ATP5MG: variants seen among roughly 807,000 people sequenced by gnomAD.
ATP5MG encodes the protein ATP synthase membrane subunit g.
In ATP5MG, 7 loss-of-function variants were observed where a neutral mutation model predicts 12.7. The ratio of observed to expected loss-of-function variants is 0.55; its 90% CI spans 0.31 to 1.04. The LOEUF (loss-of-function observed/expected upper bound fraction) is 1.04, where lower values mean the gene tolerates loss of function less well. ATP5MG is among the 50% of genes least tolerant of loss of function. The pLI is 0.05. For missense variants in ATP5MG, 116 were observed against 126.7 expected (o/e 0.92, Z 0.41); for synonymous variants, 53 against 48.2 (o/e 1.10, Z -0.41).
chr11:118,401,901 C>T lies in ATP5MG; in HGVS notation c.52+184C>T, dbSNP rs907356232. Reference sequence around the variant, plus strand: ...TTTTCTAGCCTTCCACTCGTCTGACCTGCAGATTGGGTTCTCTACACAACC... The same window carrying T: ...TTTTCTAGCCTTCCACTCGTCTGACTTGCAGATTGGGTTCTCTACACAACC... On this transcript the variant is annotated intron_variant, in intron 1 of 2. Transcript: ENST00000300688. 3 of 654,218 alleles carry T rather than the reference C, an allele frequency of 4.6e-6. No individual in the cohort carries two copies. The Admixed American group carries it at 9.0e-5, about 20-fold the overall frequency. 40.5% of individuals were successfully genotyped at this position (654,218 alleles called of 1,614,324 possible).
chr11:118,407,270 G>T, intron 2 of ATP5MG, 173 bp downstream of exon 2: 2 of 996,678 alleles, frequency 2.0e-6, no homozygotes, highest in Non-Finnish European at 1.4e-6. Flanking sequence ...TTGTCACCTG[G>T]GTAGAAATAA....
intron 2 of ATP5MG, among the ~76,000 whole-genome samples, chr11:118,408,393 A>T (rs1393798173): frequency 1.3e-5 from 2 of 152,204 alleles, no homozygotes; most frequent in East Asian, 3.8e-4. Context: ...TTATTTTTTC[A>T]ACTAGAATTT....
Position 118,409,038 on chromosome 11 carries a change from G to A in ATP5MG, c.252G>A (p.Leu84=), listed in dbSNP as rs1555132601. The change falls in exon 3 of 3, where the codon TTG becomes TTA. Residue 84 remains leucine, a synonymous_variant. Coordinates refer to ENST00000300688, the MANE Select transcript of ATP5MG (RefSeq NM_006476.5). ...VLNGLVATEV[L]MWFYVGEIIG... ...ATGGTTTGGTGGCCACTGAGGTGTT[G>A]ATGTGGTTTTATGTCGGAGAGATTA... is the stretch of plus-strand genomic sequence containing the variant. The A allele has an allele frequency of 3.1e-6, 5 of 1,607,462 alleles. No homozygotes were observed. Among genetic ancestry groups the A allele is most frequent in the Non-Finnish European group, 4.2e-6 (5 of 1,176,834 alleles).
chr11:118,402,037 A>C (rs1171638730), intron 1 of ATP5MG: 2 of 360,370 alleles, frequency 5.5e-6, no homozygotes, highest in Non-Finnish European at 1.0e-5. Context: ...AAGAGCAGGG[A>C]TCTAGAGGGG....
rs138625738 is a variant in ATP5MG, at chr11:118,401,670, C to T, written c.5C>T (p.Ala2Val). M[A>V]QFVRNLVEKT... ...CGGACTCTCCATTCCAGAACCATGG[C>T]CCAATTTGTCCGTAACCTTGTGGAG... Residue 2 changes from alanine to valine, a missense_variant, in exon 1 of 3, where the codon GCC becomes GTC. Coordinates refer to ENST00000300688, the MANE Select transcript of ATP5MG (RefSeq NM_006476.5). 5.6e-6 allele frequency: 9 copies of T among 1,614,006 alleles called. No individual in the cohort carries two copies. In the African/African-American group the frequency reaches 1.2e-4, roughly 22 times the overall value.
chr11:118,406,034 T>G (rs1247917234), intron 1 of ATP5MG: 1 of 152,210 alleles, frequency 6.6e-6, no homozygotes. Flanking sequence ...AGCTAATTTT[T>G]GTAGTTTTAG....
intron 1 of ATP5MG, among the ~76,000 whole-genome samples, chr11:118,402,399 C>A (rs574843551): frequency 7.4e-4 from 113 of 152,218 alleles, no homozygotes; most frequent in African/African-American, 2.6e-3. Context: ...CGCTGTATTT[C>A]ACAACAACCC....
Position 118,406,922 on chromosome 11 carries a change from TG to T in ATP5MG, c.53-14del. ...TTCATCCTGGTTTTTTGTTTTGTTTTGTTTTGTTTTCCAGCTGCTGTGACTT... is the reference window on the plus strand; with the variant it reads ...TTCATCCTGGTTTTTTGTTTTGTTTTTTTTGTTTTCCAGCTGCTGTGACTT... On this transcript the variant is annotated splice_polypyrimidine_tract_variant and intron_variant, in intron 1 of 2. Transcript: ENST00000300688. 1.3e-6 allele frequency: 2 copies of T among 1,579,644 alleles called. No individual in the cohort carries two copies. The highest frequency in any genetic ancestry group is 2.7e-5 in the African/African-American group (2 of 73,816).
rs782691825 is a variant in ATP5MG, at chr11:118,401,650, T to A, written c.-16T>A. 1.9e-6 allele frequency: 3 copies of A among 1,614,066 alleles called. No individual in the cohort carries two copies. Among genetic ancestry groups the A allele is most frequent in the Non-Finnish European group, 2.5e-6 (3 of 1,179,988 alleles). On this transcript the variant is annotated 5_prime_UTR_variant, in exon 1 of 3. Coordinates refer to ENST00000300688, the MANE Select transcript of ATP5MG (RefSeq NM_006476.5). ...CAGCCGGCGGTTCGGGGCGACGGACTCTCCATTCCAGAACCATGGCCCAAT... is the reference window on the plus strand; with the variant it reads ...CAGCCGGCGGTTCGGGGCGACGGACACTCCATTCCAGAACCATGGCCCAAT...
chr11:118,407,567 G>A (rs1248374888), intron 2 of ATP5MG: 1 of 161,430 alleles, frequency 6.2e-6, no homozygotes, highest in Non-Finnish European at 1.4e-5. Context: ...TCTAAAAACT[G>A]TAAGAATTAG....
Position 118,409,077 on chromosome 11 carries a change from C to G in ATP5MG, c.291C>G (p.Gly97=). ...FYVGEIIGKR[G]IIGYDV is the part of the protein sequence containing the mutation. ...TCGGAGAGATTATAGGCAAGCGGGG[C>G]ATCATTGGCTATGATGTTTGAAGAC... The change falls in exon 3 of 3, where the codon GGC becomes GGG. Residue 97 remains glycine, a synonymous_variant. Transcript: ENST00000300688. 6.2e-7 allele frequency: 1 copy of G among 1,606,042 alleles called. No homozygotes were observed. The highest frequency in any genetic ancestry group is 8.5e-7 in the Non-Finnish European group (1 of 1,175,968).
intron 2 of ATP5MG, 51 bp downstream of exon 2, chr11:118,407,148 C>T: frequency 6.2e-7 from 1 of 1,606,810 alleles, no homozygotes; most frequent in Non-Finnish European, 8.5e-7. Flanking sequence ...AATGTCTTCC[C>T]TTGGGATTTT....
intron 1 of ATP5MG, chr11:118,401,995 C>T: frequency 2.3e-6 from 1 of 431,358 alleles, no homozygotes; most frequent in East Asian, 3.9e-5. Context: ...CGTTGCCCGG[C>T]AGCTGCAACC....
At chr11:118,407,432 A>T in intron 2 of ATP5MG, 1 of 212,580 alleles carries the variant, frequency 4.7e-6, no homozygotes, top group East Asian at 1.2e-4. Flanking sequence ...TTTCATCTGG[A>T]GTCCTGAGAT....
chr11:118,402,253 T>G (rs1179464787), intron 1 of ATP5MG, among the ~76,000 whole-genome samples: 1 of 152,124 alleles, frequency 6.6e-6, no homozygotes, highest in Non-Finnish European at 1.5e-5. Context: ...GAGGGAAATT[T>G]TAGGTGGAAA....
chr11:118,402,014 C>G (rs1948932038), intron 1 of ATP5MG: 1 of 399,888 alleles, frequency 2.5e-6, no homozygotes. Flanking sequence ...CCATTACGCC[C>G]CCTGAGATCG....
chr11:118,404,464 A>T (rs999763337), intron 1 of ATP5MG, among the ~76,000 whole-genome samples: 1 of 152,150 alleles, frequency 6.6e-6, no homozygotes, highest in African/African-American at 2.4e-5. Flanking sequence ...GTTTTAAGGT[A>T]TCTAGGTATC....
At position 118,407,320 on chromosome 11, in the gene ATP5MG, C is replaced by A. The variant is rs1432611828; in HGVS notation, c.213+223C>A. ...GTCTTAGTTTCCTAAGAGTCTTAAA[C>A]CTAGCAAAAAAGTGACCATTTTTAT... On this transcript the variant is annotated intron_variant, in intron 2 of 2. Transcript: ENST00000300688. 9.2e-6 allele frequency: 6 copies of A among 654,114 alleles called. No individual in the cohort carries two copies. In the African/African-American group the frequency reaches 9.2e-5, roughly 10 times the overall value. The allele number at this position is 654,114 out of a possible 1,614,324, so 40.5% of individuals were successfully genotyped here.
chr11:118,408,930 A>AATATATATATATATATATATATAATTAT (rs373160251), intron 2 of ATP5MG, 70 bp from the exon 3 acceptor site: 1 of 373,304 alleles, frequency 2.7e-6, no homozygotes, highest in African/African-American at 2.3e-5. Context: ...AATAGTTTCA[A>AATATATATATATATATATATATAATTAT]ATATATATAT....
Sources: gnomAD v4.1 joint callset for allele counts (sites outside exome capture counted in the v4.1 genomes callset) on GRCh38, gnomAD v4.1.1 for gene constraint, MANE v1.5 for transcripts, NCBI Gene and HGNC (gene_info 2026-07-23, HGNC 2026-07-21) for gene names.